TSGA10: variants seen among roughly 807,000 people sequenced by gnomAD.
TSGA10 encodes the protein testis specific 10.
A neutral mutation model predicts 96.6 loss-of-function variants in TSGA10; 43 were observed. The ratio of observed to expected loss-of-function variants is 0.44; its 90% CI spans 0.35 to 0.57. The LOEUF is 0.57. Among genes scored for constraint, TSGA10 ranks in the 20% least tolerant of loss-of-function variants. The pLI, the probability that TSGA10 is intolerant of heterozygous loss-of-function variation, is 0.01. For missense variants in TSGA10, 703 were observed against 834.4 expected (o/e 0.84, Z 1.94); for synonymous variants, 229 against 269.9 (o/e 0.85, Z 1.48).
At chr2:99,144,648 T>TAAAAAA (rs2093613310) in intron 1 of TSGA10, among the ~76,000 whole-genome samples, 1 of 15,760 alleles carries the variant, frequency 6.3e-5, no homozygotes, top group African/African-American at 1.4e-4. Context: ...AAACTCTGTC[T>TAAAAAA]CAAAAAAAAA....
At chr2:99,118,894 C>T (rs191116144) in intron 2 of TSGA10, 5 of 152,914 alleles carry the variant, frequency 3.3e-5, no homozygotes, top group Admixed American at 2.6e-4. Context: ...TAGTACTTGT[C>T]TCTCATTGTG....
At chr2:99,101,722 A>G (rs2090760432) in intron 10 of TSGA10, among the ~76,000 whole-genome samples, 1 of 152,246 alleles carries the variant, frequency 6.6e-6, no homozygotes, top group Non-Finnish European at 1.5e-5. Context: ...GCCTCAAGAA[A>G]GGAGGAAATT....
intron 6 of TSGA10, 76 bp downstream of exon 6, chr2:99,109,313 A>G: frequency 6.8e-7 from 1 of 1,476,654 alleles, no homozygotes; most frequent in Non-Finnish European, 9.5e-7. Flanking sequence ...ATTATTTTCA[A>G]ATTAGGTAAA....
In TSGA10 at chr2:99,020,261, A is replaced by G; in HGVS notation, c.1817+19T>C. On this transcript the variant is annotated intron_variant, in intron 18 of 20. Coordinates refer to ENST00000393483, the MANE Select transcript of TSGA10 (RefSeq NM_025244.4). ...AAATTAAGATGTATGACTTTACTTT[A>G]TATTGCTAAACAACTCACATTTTAT... 1 of 1,603,880 alleles carries G rather than the reference A, an allele frequency of 6.2e-7. No individual in the cohort carries two copies.
intron 1 of TSGA10, among the ~76,000 whole-genome samples, chr2:99,139,102 T>A (rs560431250): frequency 6.6e-6 from 1 of 152,138 alleles, no homozygotes; most frequent in South Asian, 2.1e-4. Flanking sequence ...TCTACAAAAA[T>A]TAAAAAATAA....
Position 99,117,566 on chromosome 2 carries a change from T to C in TSGA10, c.-162A>G, listed in dbSNP as rs115748099. 5 of 985,792 alleles carry C rather than the reference T, an allele frequency of 5.1e-6. No homozygotes were observed. The highest frequency in any genetic ancestry group is 3.5e-5 in the African/African-American group (2 of 57,262). 61.1% of individuals were successfully genotyped at this position (985,792 alleles called of 1,614,324 possible). ...TACCTTGGCTTCTTCAAGTTCCTTGTTGGCGGAATCCACCACAAAATTTTT... is the reference window on the plus strand; with the variant it reads ...TACCTTGGCTTCTTCAAGTTCCTTGCTGGCGGAATCCACCACAAAATTTTT... On this transcript the variant is annotated 5_prime_UTR_variant, in exon 4 of 21. Transcript: ENST00000393483.
chr2:99,000,891 C>G (rs543229284), intron 20 of TSGA10, among the ~76,000 whole-genome samples: 1 of 152,152 alleles, frequency 6.6e-6, no homozygotes, highest in Non-Finnish European at 1.5e-5. Flanking sequence ...AGTCCGAGAT[C>G]GAACTGCGAG....
intron 12 of TSGA10, among the ~76,000 whole-genome samples, chr2:99,077,654 G>A (rs985254678): frequency 7.2e-5 from 11 of 151,910 alleles, no homozygotes; most frequent in East Asian, 3.9e-4. Flanking sequence ...CTCCGCCTCC[G>A]GGGTTCAAGC....
intron 17 of TSGA10, among the ~76,000 whole-genome samples, chr2:99,029,758 GAAC>G: frequency 6.6e-6 from 1 of 152,218 alleles, no homozygotes; most frequent in African/African-American, 2.4e-5. Context: ...ACTTGATAAA[GAAC>G]AACTGCAAAA....
chr2:99,138,563 T>C (rs886557781), intron 1 of TSGA10, among the ~76,000 whole-genome samples: 1 of 152,070 alleles, frequency 6.6e-6, no homozygotes, highest in African/African-American at 2.4e-5. Flanking sequence ...GACTAATGAA[T>C]GAATAGTAAA....
chr2:99,151,366 G>A (rs1290527185), intron 1 of TSGA10: 1 of 151,608 alleles, frequency 6.6e-6, no homozygotes, highest in Non-Finnish European at 1.5e-5. Context: ...GGGAGGCTGA[G>A]GAAGGAGAAT....
intron 16 of TSGA10, among the ~76,000 whole-genome samples, chr2:99,058,813 G>A (rs2104418114): frequency 6.6e-6 from 1 of 151,744 alleles, no homozygotes; most frequent in Middle Eastern, 3.4e-3. Context: ...TGAGGTGGGT[G>A]AATTATGAGG....
At chr2:99,099,710 G>A (rs944909287) in intron 10 of TSGA10, among the ~76,000 whole-genome samples, 4 of 152,040 alleles carry the variant, frequency 2.6e-5, no homozygotes, top group African/African-American at 9.7e-5. Flanking sequence ...TAGTTAATTA[G>A]AAGTAATTCA....
intron 17 of TSGA10, among the ~76,000 whole-genome samples, chr2:99,028,215 G>A (rs2080818207): frequency 6.6e-6 from 1 of 152,168 alleles, no homozygotes; most frequent in African/African-American, 2.4e-5. Context: ...ATTGCTAGCT[G>A]ACTGTTCTAT....
At chr2:99,072,500 A>G (rs1210610661) in intron 13 of TSGA10, among the ~76,000 whole-genome samples, 1 of 152,068 alleles carries the variant, frequency 6.6e-6, no homozygotes, top group African/African-American at 2.4e-5. Context: ...GAAACTTGGC[A>G]TTTTCCTGGT....
chr2:99,044,493 A>G (rs776610173), intron 16 of TSGA10, among the ~76,000 whole-genome samples: 2 of 152,192 alleles, frequency 1.3e-5, no homozygotes, highest in Non-Finnish European at 2.9e-5. Flanking sequence ...ACTATCCTAA[A>G]TATATATGCA....
intron 1 of TSGA10, among the ~76,000 whole-genome samples, chr2:99,136,288 T>C (rs78543167): frequency 0.012 from 1,832 of 152,326 alleles, 39 homozygotes; most frequent in African/African-American, 0.042. Flanking sequence ...GTATTCACTT[T>C]ATATGTAAAC....
chr2:99,099,254 G>C (rs1433995017), intron 10 of TSGA10, among the ~76,000 whole-genome samples: 1 of 152,196 alleles, frequency 6.6e-6, no homozygotes, highest in African/African-American at 2.4e-5. Context: ...GGAGGTTGCG[G>C]TGAGCCAAGA....
At chr2:99,089,335 C>A (rs1313401796) in intron 10 of TSGA10, among the ~76,000 whole-genome samples, 3 of 152,148 alleles carry the variant, frequency 2.0e-5, no homozygotes, top group Non-Finnish European at 4.4e-5. Flanking sequence ...GGGAAAAGAC[C>A]ACAGGGAGAA....
Sources: gnomAD v4.1 joint callset for allele counts (sites outside exome capture counted in the v4.1 genomes callset) on GRCh38, gnomAD v4.1.1 for gene constraint, MANE v1.5 for transcripts, NCBI Gene and HGNC (gene_info 2026-07-23, HGNC 2026-07-21) for gene names.